Variants in BICD2 observed in about 807,000 individuals in gnomAD.
BICD2 encodes the protein protein bicaudal D homolog 2.
In BICD2, 25 loss-of-function variants were observed where a neutral mutation model predicts 72.9. The observed-to-expected ratio is 0.34, with a 90% CI of 0.25 to 0.48. The LOEUF (loss-of-function observed/expected upper bound fraction) is 0.48. Ranked by LOEUF, BICD2 falls within the 20% of genes least tolerant of loss-of-function variation. The probability of loss-of-function intolerance (pLI) is 0.99; values close to 1 mark genes in which losing one functional copy is unlikely to be tolerated. For synonymous variants in BICD2, 501 were observed against 516.1 expected, an observed-to-expected ratio of 0.97 and a Z score of 0.40; for missense variants, 894 against 1,175.2, an observed-to-expected ratio of 0.76 and a Z score of 3.50.
rs775229197 is a variant in BICD2, at chr9:92,718,906, C to T, written c.1739G>A (p.Arg580Gln). The change falls in exon 5 of 7, where the codon CGG becomes CAG. Residue 580 changes from arginine to glutamine, a missense_variant. Physicochemically the swap from Arg to Gln is conservative, Grantham distance 43. Around this residue, in one of 5 missense-constraint regions of BICD2, gnomAD observed 321 missense variants for 443.9 expected, o/e 0.72. Transcript: ENST00000356884. ...CTTGGGTAGGAGGATGGGTGAGCGC[C>T]GGCCACGCGCCTCGGGGCTGGTGCG... ...GGRTSPEARG[R>Q]RSPILLPKGL... is the part of the protein sequence containing the mutation. The T allele has an allele frequency of 8.8e-6, 14 of 1,599,994 alleles. No individual in the cohort carries two copies. Among genetic ancestry groups the T allele is most frequent in the Middle Eastern group, 1.9e-4 (1 of 5,290 alleles).
At position 92,712,313 on chromosome 9, in the gene BICD2, T is replaced by C. The variant is rs563698657; in HGVS notation, c.*2841A>G. ...CTTTCCCTCAATGAAGATGCCCAGG[T>C]CTGGGTGTGAGGAGCACCTGCCTCA... is the stretch of plus-strand genomic sequence containing the variant. On this transcript the variant is annotated 3_prime_UTR_variant, in exon 7 of 7. Transcript: ENST00000356884. The C allele has an allele frequency of 5.2e-5, 8 of 152,768 alleles. No individual in the cohort carries two copies. The highest frequency in any genetic ancestry group is 1.9e-4 in the African/African-American group (8 of 41,576). The allele number at this position is 152,768 out of a possible 1,614,324, so 9.5% of individuals were successfully genotyped here.
chr9:92,749,001 C>A (rs1854085239), intron 1 of BICD2, among the ~76,000 whole-genome samples: 1 of 151,866 alleles, frequency 6.6e-6, no homozygotes, highest in Admixed American at 6.6e-5. Context: ...AAGGGGGTAA[C>A]AGGAGAGGGG....
chr9:92,763,684 CA>C lies in BICD2; in HGVS notation c.240+820del, dbSNP rs1337240105. ...GCCCTGCCGCCTGGAGACCCTCGAC[CA>C]GCCTGGTGGTCTAACCTACTCTCCC... On this transcript the variant is annotated intron_variant, in intron 1 of 6. Transcript: ENST00000356884. Among the ~76,000 whole-genome samples the C allele has an allele frequency of 2.6e-5, 4 of 151,108 alleles. No homozygotes were observed. The East Asian group carries it at 8.4e-4, about 32-fold the overall frequency.
In BICD2 at chr9:92,714,458, C is replaced by T; in HGVS notation, c.*696G>A. ...GTCACCTCACAGGCCACTATACAAG[C>T]ATCCTGATCTCAGAAATGAGAAACC... On this transcript the variant is annotated 3_prime_UTR_variant, in exon 7 of 7. Coordinates refer to ENST00000356884, the MANE Select transcript of BICD2 (RefSeq NM_001003800.2). 1 of 985,508 alleles carries T rather than the reference C, an allele frequency of 1.0e-6. No homozygotes were observed. Among genetic ancestry groups the T allele is most frequent in the Non-Finnish European group, 1.2e-6 (1 of 829,962 alleles). 61.0% of individuals were successfully genotyped at this position (985,508 alleles called of 1,614,324 possible). A position where few individuals can be genotyped will look rare whatever the true frequency, so the allele number is the denominator to read the frequency against.
chr9:92,752,817 A>G (rs762311846), intron 1 of BICD2, among the ~76,000 whole-genome samples: 1 of 152,204 alleles, frequency 6.6e-6, no homozygotes, highest in Non-Finnish European at 1.5e-5. Context: ...CAAGAGTGGG[A>G]GGGAGGGAAA....
At chr9:92,732,911 T>C (rs1317704115) in intron 1 of BICD2, among the ~76,000 whole-genome samples, 2 of 152,254 alleles carry the variant, frequency 1.3e-5, no homozygotes, top group East Asian at 3.8e-4. Context: ...ATTTTTCTTA[T>C]TTAAATCTCT....
At position 92,728,885 on chromosome 9, in the gene BICD2, G is replaced by A. The variant is rs950109912; in HGVS notation, c.453+139C>T. ...GGCAGTGGAGTGCAGTGGAGGATGA[G>A]ACCAGGAAAGCAAGACAGACCAGCC... is the stretch of plus-strand genomic sequence containing the variant. On this transcript the variant is annotated intron_variant, in intron 2 of 6. Transcript: ENST00000356884. The A allele has an allele frequency of 3.4e-6, 3 of 894,790 alleles. No individual in the cohort carries two copies. The Admixed American group carries it at 7.8e-5, about 23-fold the overall frequency. 55.4% of individuals were successfully genotyped at this position (894,790 alleles called of 1,614,324 possible).
Position 92,764,699 on chromosome 9 carries a change from C to G in BICD2, c.46G>C (p.Glu16Gln), listed in dbSNP as rs781039454. Residue 16 changes from glutamate to glutamine, a missense_variant, in exon 1 of 7, where the codon GAG becomes CAG. Physicochemically the swap from Glu to Gln is conservative, Grantham distance 29 (BLOSUM62 2). Around this residue, in one of 5 missense-constraint regions of BICD2, gnomAD observed 192 missense variants for 243.6 expected, o/e 0.79. Transcript: ENST00000356884. The surrounding 1 kb of genome is among the most constrained non-coding windows in gnomAD (Gnocchi z 5.5). ...EEEEYARLVMEAQPEWLRAEV... is the reference protein window; with the variant it reads ...EEEEYARLVMQAQPEWLRAEV... ...GCGCGCAGCCACTCCGGCTGCGCCT[C>G]CATCACCAGCCGCGCGTACTCCTCC... 2 of 1,587,860 alleles carry G rather than the reference C, an allele frequency of 1.3e-6. No homozygotes were observed. The highest frequency in any genetic ancestry group is 1.1e-5 in the South Asian group (1 of 87,790).
Position 92,714,987 on chromosome 9 carries a change from A to C in BICD2, c.*167T>G. ...CTTTGAGGAGTGAGAAGCGACACAAAGCTCTCACAAGTGTCCTGCTGATGC... is the reference window on the plus strand; with the variant it reads ...CTTTGAGGAGTGAGAAGCGACACAACGCTCTCACAAGTGTCCTGCTGATGC... On this transcript the variant is annotated 3_prime_UTR_variant, in exon 7 of 7. Transcript: ENST00000356884. 3.6e-6 allele frequency: 5 copies of C among 1,407,330 alleles called. No homozygotes were observed. Among genetic ancestry groups the C allele is most frequent in the Non-Finnish European group, 4.6e-6 (5 of 1,083,316 alleles). 87.2% of individuals were successfully genotyped at this position (1,407,330 alleles called of 1,614,324 possible). A position where few individuals can be genotyped will look rare whatever the true frequency, so the allele number is the denominator to read the frequency against.
intron 1 of BICD2, among the ~76,000 whole-genome samples, chr9:92,745,401 G>A (rs1403977760): frequency 2.6e-5 from 4 of 151,954 alleles, no homozygotes; most frequent in African/African-American, 7.3e-5. Flanking sequence ...AGGCAGTGCG[G>A]TGAGGGGAGA....
At chr9:92,732,601 A>C (rs1481782182) in intron 1 of BICD2, among the ~76,000 whole-genome samples, 1 of 152,238 alleles carries the variant, frequency 6.6e-6, no homozygotes, top group Non-Finnish European at 1.5e-5. Flanking sequence ...ATGACTCAAG[A>C]GGAGCAAAGA....
In BICD2 at chr9:92,762,592, G is replaced by C. The variant is rs564510818; in HGVS notation, c.240+1913C>G. Among the ~76,000 whole-genome samples, 10 of 152,302 alleles carry C rather than the reference G, an allele frequency of 6.6e-5. No homozygotes were observed. The South Asian group carries it at 1.7e-3, about 25-fold the overall frequency. ...ACAGAAACAGGTATACCCTCTTCCT[G>C]ATTCTGCTAGGGACTCACCCTCCAG... is the stretch of plus-strand genomic sequence containing the variant. On this transcript the variant is annotated intron_variant, in intron 1 of 6. Coordinates refer to ENST00000356884, the MANE Select transcript of BICD2 (RefSeq NM_001003800.2).
intron 2 of BICD2, among the ~76,000 whole-genome samples, chr9:92,723,975 CCATTGTGA>C (rs1853515623): frequency 6.6e-6 from 1 of 152,222 alleles, no homozygotes. Flanking sequence ...GCTGCCTCCT[CCATTGTGA>C]CAACTGAAAA....
chr9:92,723,889 C>A (rs60498616), intron 2 of BICD2, among the ~76,000 whole-genome samples: 3 of 152,024 alleles, frequency 2.0e-5, no homozygotes, highest in Admixed American at 2.0e-4. Context: ...CATTCAGGGA[C>A]GTTTCTTCTT....
Position 92,714,871 on chromosome 9 carries a change from A to ATCACACATCTGCTGCAAGAATG in BICD2, c.*261_*282dup, listed in dbSNP as rs1853269639. On this transcript the variant is annotated 3_prime_UTR_variant, in exon 7 of 7. Coordinates refer to ENST00000356884, the MANE Select transcript of BICD2 (RefSeq NM_001003800.2). Reference sequence around the variant, plus strand: ...TGCGCAGGGCTTAGAAGATGCTTTCATCACACATCTGCTGCAAGAATGTGC... The same window carrying ATCACACATCTGCTGCAAGAATG: ...TGCGCAGGGCTTAGAAGATGCTTTCATCACACATCTGCTGCAAGAATGTCACACATCTGCTGCAAGAATGTGC... 2 of 1,218,616 alleles carry ATCACACATCTGCTGCAAGAATG rather than the reference A, an allele frequency of 1.6e-6. No individual in the cohort carries two copies. The highest frequency in any genetic ancestry group is 8.5e-5 in the Admixed American group (2 of 23,422). The allele number at this position is 1,218,616 out of a possible 1,614,324, so 75.5% of individuals were successfully genotyped here.
chr9:92,737,561 C>T (rs1380119519), intron 1 of BICD2, among the ~76,000 whole-genome samples: 1 of 152,162 alleles, frequency 6.6e-6, no homozygotes. Flanking sequence ...GCCCTCATCA[C>T]CCCAAATAGA....
Position 92,764,532 on chromosome 9 carries a change from G to A in BICD2, c.213C>T (p.Ile71=), listed in dbSNP as rs1057521518. 7.1e-6 allele frequency: 11 copies of A among 1,538,964 alleles called. No homozygotes were observed. Among genetic ancestry groups the A allele is most frequent in the African/African-American group, 1.4e-5 (1 of 71,912 alleles). The change falls in exon 1 of 7, where the codon ATC becomes ATT. Residue 71 remains isoleucine, a synonymous_variant. Transcript: ENST00000356884. This position sits in a 1 kb window ranked among gnomAD's most constrained non-coding sequence, Gnocchi z 5.5. ...CCTTGAGCTGCTCCATCTCGCTGCG[G>A]ATAGCCTCATAGTCCACCTCGAGCT... ...FEELEVDYEA[I]RSEMEQLKEA...
chr9:92,725,046 A>G (rs1429472788), intron 2 of BICD2, among the ~76,000 whole-genome samples: 1 of 152,228 alleles, frequency 6.6e-6, no homozygotes, highest in East Asian at 1.9e-4. Flanking sequence ...TGCTCCAGGC[A>G]GTGGGAAGTG....
Position 92,719,475 on chromosome 9 carries a change from G to C in BICD2, c.1170C>G (p.Leu390=). 1.2e-6 allele frequency: 2 copies of C among 1,614,094 alleles called. No individual in the cohort carries two copies. The highest frequency in any genetic ancestry group is 1.7e-6 in the Non-Finnish European group (2 of 1,180,028). Residue 390 remains leucine, a synonymous_variant, in exon 5 of 7, where the codon CTC becomes CTG. Coordinates refer to ENST00000356884, the MANE Select transcript of BICD2 (RefSeq NM_001003800.2). The part of the protein sequence containing the change: ...LSEQQEKVTR[L]TENLSALRRL... ...GCCGCAGGGCACTCAGATTCTCTGT[G>C]AGGCGGGTCACCTTCTCCTGCTGTT...
Sources: gnomAD v4.1 joint callset for allele counts (sites outside exome capture counted in the v4.1 genomes callset) on GRCh38, gnomAD v4.1.1 for gene constraint, gnomAD v4.1.1 regional missense constraint, Gnocchi (gnomAD v3.1) non-coding constraint, MANE v1.5 for transcripts, NCBI Gene and HGNC (gene_info 2026-07-23, HGNC 2026-07-21) for gene names.